The following SETX variants were observed in gnomAD, a reference collection of about 807,000 sequenced individuals.
The protein encoded by SETX is senataxin.
SETX carries 90 observed loss-of-function variants against 227.2 expected under a neutral mutation model. That is an observed-to-expected ratio of 0.40 (90% CI 0.33 to 0.47). The LOEUF is 0.47. SETX is among the 20% of genes least tolerant of loss of function. The probability of loss-of-function intolerance (pLI) is 0.91; values close to 1 mark genes in which losing one functional copy is unlikely to be tolerated. For missense variants in SETX, 3,052 were observed against 3,181.5 expected (o/e 0.96, Z 0.98); for synonymous variants, 1,210 against 1,113.2 (o/e 1.09, Z -1.73).
intron 7 of SETX, among the ~76,000 whole-genome samples, chr9:132,331,977 T>C (rs1171526543): frequency 6.6e-6 from 1 of 152,224 alleles, no homozygotes; most frequent in African/African-American, 2.4e-5. Context: ...AATGACTAAA[T>C]TCTTTAGCTA....
rs745959525 is a variant in SETX, at chr9:132,329,279, A to G, written c.2319T>C (p.Ala773=). The change falls in exon 10 of 26, where the codon GCT becomes GCC. Residue 773 remains alanine (A), a synonymous_variant. Transcript: ENST00000224140. ...EDFSLKDDAL[A]KTSKRKTKVQ... is the part of the protein sequence containing the mutation. ...CCTTAGTTTTTCGTTTTGAGGTTTT[A>G]GCAAGAGCATCATCCTTTAAAGAGA... 3 of 1,613,746 alleles carry G rather than the reference A, an allele frequency of 1.9e-6. No individual in the cohort carries two copies. The African/African-American group carries it at 4.0e-5, about 22-fold the overall frequency.
In SETX at chr9:132,328,375, C is replaced by G; in HGVS notation, c.3223G>C (p.Glu1075Gln). Residue 1075 changes from glutamate to glutamine, a missense_variant, in exon 10 of 26, where the codon GAA (glutamate) becomes CAA (glutamine). By Grantham distance (29) the Glu-to-Gln change is conservative. Around this residue, in one of 10 missense-constraint regions of SETX, gnomAD observed 1,483 missense variants for 1,312.0 expected, o/e 1.13. Transcript: ENST00000224140. The stretch of plus-strand genomic sequence containing the variant: ...AACTCAAAACACTGAGAATCAGATT[C>G]CTCAAACTGAAAAAGAGTCTCTGTC... ...EKTETLFQFEESDSQCFEFES... is the reference protein window; with the variant it reads ...EKTETLFQFEQSDSQCFEFES... 6.2e-7 allele frequency: 1 copy of G among 1,613,946 alleles called. No individual in the cohort carries two copies. The highest frequency in any genetic ancestry group is 8.5e-7 in the Non-Finnish European group (1 of 1,179,996).
chr9:132,277,942 G>T, intron 21 of SETX, 128 bp downstream of exon 21: 1 of 938,644 alleles, frequency 1.1e-6, no homozygotes, highest in Non-Finnish European at 1.7e-6. Context: ...ATTATAACAG[G>T]ACAAAATTAT....
chr9:132,345,692 T>C (rs1848247516), intron 4 of SETX, among the ~76,000 whole-genome samples: 1 of 152,226 alleles, frequency 6.6e-6, no homozygotes, highest in African/African-American at 2.4e-5. Context: ...CACTGTATAA[T>C]TTACTTTTCT....
At chr9:132,324,690 T>C (rs983850774) in intron 10 of SETX, among the ~76,000 whole-genome samples, 11 of 152,314 alleles carry the variant, frequency 7.2e-5, no homozygotes, top group African/African-American at 2.6e-4. Flanking sequence ...ACCTGTCTTG[T>C]TCACCACTTT....
At chr9:132,342,511 CCT>C (rs904523817) in intron 5 of SETX, among the ~76,000 whole-genome samples, 177 bp downstream of exon 5, 9 of 152,122 alleles carry the variant, frequency 5.9e-5, no homozygotes, top group African/African-American at 2.2e-4. Flanking sequence ...TATCCCCTAC[CCT>C]CTGAGATCCC....
At chr9:132,274,865 T>G in intron 23 of SETX, 1 of 190,592 alleles carries the variant, frequency 5.2e-6, no homozygotes, top group Non-Finnish European at 1.1e-5. Context: ...ACTGCTGAGG[T>G]AAGAAGGAAA....
intron 13 of SETX, 58 bp from the exon 14 acceptor site, chr9:132,297,112 G>C (rs1178296219): frequency 6.2e-6 from 9 of 1,445,330 alleles, no homozygotes; most frequent in Admixed American, 1.9e-5. Flanking sequence ...GAATTTGAAA[G>C]GAAGAACATG....
chr9:132,286,593 C>G, intron 17 of SETX, 99 bp from the exon 18 acceptor site: 1 of 844,320 alleles, frequency 1.2e-6, no homozygotes, highest in Non-Finnish European at 2.0e-6. Flanking sequence ...TGTATTTCAC[C>G]AATGAAAAAT....
At chr9:132,336,011 G>A (rs977816000) in intron 6 of SETX, among the ~76,000 whole-genome samples, 7 of 152,174 alleles carry the variant, frequency 4.6e-5, no homozygotes, top group Non-Finnish European at 8.8e-5. Context: ...GGAGGCCAGG[G>A]TGGGCAGATC....
chr9:132,267,614 G>A lies in SETX; in HGVS notation c.7287+2001C>T, dbSNP rs189854138. Among the ~76,000 whole-genome samples, 30 of 152,312 alleles carry A rather than the reference G, an allele frequency of 2.0e-4. 1 individual carries two copies. The East Asian group carries it at 5.2e-3, about 26-fold the overall frequency. On this transcript the variant is annotated intron_variant, in intron 25 of 25. Transcript: ENST00000224140. The stretch of plus-strand genomic sequence containing the variant: ...AGTTAGGAAGCCCAGCTGACATGTC[G>A]GGAAGTTTCAGATTCTCGTCTGTCT...
intron 18 of SETX, among the ~76,000 whole-genome samples, chr9:132,285,621 C>A (rs1312459139): frequency 6.6e-6 from 1 of 152,180 alleles, no homozygotes; most frequent in East Asian, 1.9e-4. Flanking sequence ...GTGGCTCACG[C>A]CTGTAATCCC....
At position 132,296,077 on chromosome 9, in the gene SETX, G is replaced by A. The variant is rs1844653568; in HGVS notation, c.5950-49C>T. ...CCAAACAAACACACAAAAAATATGG[G>A]TGAGCTCTATTACATAGCTTTAAAG... is the stretch of plus-strand genomic sequence containing the variant. On this transcript the variant is annotated intron_variant, in intron 14 of 25. Coordinates refer to ENST00000224140, the MANE Select transcript of SETX (RefSeq NM_015046.7). 3 of 1,605,586 alleles carry A rather than the reference G, an allele frequency of 1.9e-6. No homozygotes were observed. In the South Asian group the frequency reaches 3.3e-5, roughly 18 times the overall value.
intron 2 of SETX, among the ~76,000 whole-genome samples, chr9:132,349,958 A>G (rs758046100): frequency 2.0e-5 from 3 of 152,356 alleles, no homozygotes; most frequent in Non-Finnish European, 2.9e-5. Context: ...GTACATAAAG[A>G]GAGACACAAT....
intron 19 of SETX, among the ~76,000 whole-genome samples, chr9:132,282,541 C>A (rs1843603630): frequency 6.6e-6 from 1 of 152,120 alleles, no homozygotes. Flanking sequence ...CCACCCTCCT[C>A]AGTCTCCCAA....
chr9:132,327,307 G>A lies in SETX; in HGVS notation c.4291C>T (p.Pro1431Ser), dbSNP rs371541705. 6.2e-7 allele frequency: 1 copy of A among 1,614,166 alleles called. No individual in the cohort carries two copies. Among genetic ancestry groups the A allele is most frequent in the Non-Finnish European group, 8.5e-7 (1 of 1,180,022 alleles). ...PETIKAKHGS[P>S]ATDDACPLNQ... ...AAAGGGCAAGCATCATCAGTTGCTG[G>A]AGACCCATGTTTTGCTTTTATGGTT... Residue 1431 changes from proline (P) to serine (S), a missense_variant, in exon 10 of 26, where the codon CCA becomes TCA. Coordinates refer to ENST00000224140, the MANE Select transcript of SETX (RefSeq NM_015046.7).
intron 23 of SETX, 184 bp downstream of exon 23, chr9:132,275,072 T>C (rs1843086307): frequency 3.1e-5 from 19 of 617,228 alleles, no homozygotes; most frequent in Non-Finnish European, 3.1e-5. Context: ...TGCCAGGAAG[T>C]AACCTGTCTA....
chr9:132,287,779 A>AAAC (rs1844004849), intron 17 of SETX, among the ~76,000 whole-genome samples: 1 of 151,366 alleles, frequency 6.6e-6, no homozygotes. Flanking sequence ...AAAAAAAAAA[A>AAAC]GCAGAAAGAA....
At chr9:132,297,291 T>A (rs1844728205) in intron 13 of SETX, among the ~76,000 whole-genome samples, 1 of 152,234 alleles carries the variant, frequency 6.6e-6, no homozygotes, top group Non-Finnish European at 1.5e-5. Context: ...TTCAAGTACT[T>A]ACAAATACAA....
Sources: allele counts gnomAD v4.1 joint callset (sites outside exome capture counted in the v4.1 genomes callset), GRCh38; gene constraint gnomAD v4.1.1; regional missense constraint gnomAD v4.1.1; transcripts MANE v1.5; gene names NCBI Gene and HGNC (gene_info 2026-07-23, HGNC 2026-07-21).